Variants in DNAAF11 observed in about 807,000 individuals in gnomAD.
The protein encoded by DNAAF11 is leucine rich repeat containing 6.
A neutral mutation model predicts 60.8 loss-of-function variants in DNAAF11; 45 were observed. The observed-to-expected ratio is 0.74, with a 90% confidence interval of 0.58 to 0.95. The LOEUF (loss-of-function observed/expected upper bound fraction) is 0.95, where lower values mean the gene tolerates loss of function less well. DNAAF11 is among the 40% of genes least tolerant of loss of function. The pLI is 0.00. For missense variants in DNAAF11, 546 were observed against 546.2 expected (o/e 1.00, Z 0.00); for synonymous variants, 191 against 183.5 (o/e 1.04, Z -0.33).
intron 10 of DNAAF11, 109 bp from the exon 11 acceptor site, chr8:132,583,888 C>T: frequency 2.7e-6 from 2 of 743,734 alleles, no homozygotes; most frequent in Non-Finnish European, 4.5e-6. Context: ...AATTTTTTCT[C>T]TACATATTCC....
chr8:132,599,350 G>A lies in DNAAF11; in HGVS notation c.1140+10816C>T, dbSNP rs192992835. 5.7e-3 allele frequency among the ~76,000 whole-genome samples: 875 copies of A among 152,308 alleles called. 13 individuals carry two copies. Among genetic ancestry groups the A allele is most frequent in the African/African-American group, 0.02 (842 of 41,562 alleles). ...AGCCAAATTCTACCAGAGGTACAAA[G>A]AGGAGCTGGTACCATTCCTTCTGAA... On this transcript the variant is annotated intron_variant, in intron 10 of 11. Coordinates refer to ENST00000620350, the MANE Select transcript of DNAAF11 (RefSeq NM_012472.6).
intron 10 of DNAAF11, among the ~76,000 whole-genome samples, chr8:132,597,531 G>T (rs1249163939): frequency 6.6e-6 from 1 of 152,136 alleles, no homozygotes; most frequent in African/African-American, 2.4e-5. Context: ...GTATGAAGTT[G>T]GCAGCAATAG....
intron 10 of DNAAF11, among the ~76,000 whole-genome samples, chr8:132,588,727 A>AT (rs1355348916): frequency 6.6e-6 from 1 of 152,178 alleles, no homozygotes; most frequent in Admixed American, 6.5e-5. Flanking sequence ...AGACTGGGTA[A>AT]TTTATAAATA....
the DNAAF11 span, among the ~76,000 whole-genome samples, chr8:132,695,304 T>C: frequency 2.6e-5 from 4 of 152,146 alleles, no homozygotes; most frequent in Admixed American, 2.6e-4. Flanking sequence ...AGACAGGTAT[T>C]ATTACAACAC....
intron 11 of DNAAF11, among the ~76,000 whole-genome samples, chr8:132,583,246 C>G (rs753101051): frequency 6.6e-6 from 1 of 152,148 alleles, no homozygotes; most frequent in Non-Finnish European, 1.5e-5. Flanking sequence ...GAGGCAGTGA[C>G]AGCAACGGTA....
chr8:132,628,384 C>T (rs1820486750), intron 5 of DNAAF11, among the ~76,000 whole-genome samples: 1 of 152,068 alleles, frequency 6.6e-6, no homozygotes, highest in Non-Finnish European at 1.5e-5. Context: ...TGCACTCCAG[C>T]CTGGGTGACA....
intron 2 of DNAAF11, 94 bp from the exon 3 acceptor site, chr8:132,657,001 G>T (rs373570539): frequency 5.9e-6 from 3 of 511,718 alleles, no homozygotes; most frequent in Admixed American, 4.0e-5. Flanking sequence ...AAAATCTAAA[G>T]ATTATTATTA....
At chr8:132,697,965 T>C in the DNAAF11 span, among the ~76,000 whole-genome samples, 1 of 152,274 alleles carries the variant, frequency 6.6e-6, no homozygotes, top group South Asian at 2.1e-4. Context: ...TAATAAAATG[T>C]ATGTATTTAT....
At chr8:132,593,295 C>A (rs1816651017) in intron 10 of DNAAF11, among the ~76,000 whole-genome samples, 1 of 138,430 alleles carries the variant, frequency 7.2e-6, no homozygotes. Context: ...AAGTTTCTGA[C>A]AGATAAAAAT....
At chr8:132,649,605 T>C (rs1194865698) in intron 3 of DNAAF11, among the ~76,000 whole-genome samples, 2 of 152,150 alleles carry the variant, frequency 1.3e-5, no homozygotes, top group Admixed American at 1.3e-4. Flanking sequence ...AGAAAATTTT[T>C]ACAATCTACC....
At chr8:132,686,675 A>C in the DNAAF11 span, among the ~76,000 whole-genome samples, 3 of 152,088 alleles carry the variant, frequency 2.0e-5, no homozygotes, top group African/African-American at 7.2e-5. Context: ...GATAGAGGGA[A>C]GTGGGGATGT....
chr8:132,691,497 G>C, the DNAAF11 span, among the ~76,000 whole-genome samples: 255 of 152,066 alleles, frequency 1.7e-3, no homozygotes, highest in Non-Finnish European at 2.0e-3. Context: ...ACCAAGATGG[G>C]TTCTCACACT....
chr8:132,608,611 C>A (rs1818346384), intron 10 of DNAAF11: 1 of 328,908 alleles, frequency 3.0e-6, no homozygotes, highest in African/African-American at 2.1e-5. Context: ...AGCAGAGTCT[C>A]TATTTAATCT....
rs554950521 is a variant in DNAAF11, at chr8:132,649,966, C to T, written c.256+6864G>A. Reference sequence around the variant, plus strand: ...ATTGTGGAAGACAGTGTGGTGATTCCTCAAGGATCTAGAACTAGAAATACC... The same window carrying T: ...ATTGTGGAAGACAGTGTGGTGATTCTTCAAGGATCTAGAACTAGAAATACC... On this transcript the variant is annotated intron_variant, in intron 3 of 11. Transcript: ENST00000620350. Among the ~76,000 whole-genome samples the T allele has an allele frequency of 4.2e-3, 644 of 152,312 alleles. 5 individuals are homozygous for T. Among genetic ancestry groups the T allele is most frequent in the Non-Finnish European group, 4.6e-3 (314 of 68,038 alleles).
chr8:132,650,142 G>T (rs997173685), intron 3 of DNAAF11, among the ~76,000 whole-genome samples: 1 of 152,196 alleles, frequency 6.6e-6, no homozygotes, highest in African/African-American at 2.4e-5. Flanking sequence ...TGATAGACTG[G>T]ATTAAGAAAA....
rs1229443419 is a variant in DNAAF11 at position 132,675,472 on chromosome 8, A to AG, written c.10+11dup. The AG allele has an allele frequency of 4.5e-6, 7 of 1,564,478 alleles. No individual in the cohort carries two copies. Among genetic ancestry groups the AG allele is most frequent in the African/African-American group, 1.4e-5 (1 of 72,272 alleles). On this transcript the variant is annotated intron_variant, in intron 1 of 11. Transcript: ENST00000620350. ...GGGAACGATCGAGGACGGAAGGTGG[A>AG]GGGGGGCTTACTCCAGCCCATGGCG...
At chr8:132,587,940 T>C (rs150633886) in intron 10 of DNAAF11, among the ~76,000 whole-genome samples, 1 of 152,276 alleles carries the variant, frequency 6.6e-6, no homozygotes, top group Admixed American at 6.5e-5. Flanking sequence ...AAATAGTACC[T>C]GGGTTGAAGT....
At chr8:132,633,709 T>C (rs1821028047) in intron 4 of DNAAF11, among the ~76,000 whole-genome samples, 1 of 152,160 alleles carries the variant, frequency 6.6e-6, no homozygotes, top group Non-Finnish European at 1.5e-5. Context: ...TCAGGATGAT[T>C]CTTATAAGGA....
chr8:132,697,803 A>G, the DNAAF11 span, among the ~76,000 whole-genome samples: 1 of 152,134 alleles, frequency 6.6e-6, no homozygotes, highest in Non-Finnish European at 1.5e-5. Context: ...TAGAAGCAGC[A>G]GCAGATAGTG....
Sources: allele counts gnomAD v4.1 joint callset (sites outside exome capture counted in the v4.1 genomes callset), GRCh38; gene constraint gnomAD v4.1.1; transcripts MANE v1.5; gene names NCBI Gene and HGNC (gene_info 2026-07-23, HGNC 2026-07-21).